Variants in CCAR1 observed in about 807,000 individuals in gnomAD.
The protein encoded by CCAR1 is cell division cycle and apoptosis regulator protein 1.
In CCAR1, 78 loss-of-function variants were observed where a neutral mutation model predicts 163.8. The ratio of observed to expected loss-of-function variants is 0.48; its 90% CI spans 0.40 to 0.57. CCAR1 has a LOEUF of 0.57. CCAR1 is among the 20% of genes least tolerant of loss of function. The pLI is 0.00. For synonymous variants in CCAR1, 443 were observed against 460.7 expected, an observed-to-expected ratio of 0.96 and a Z score of 0.49; for missense variants, 1,019 against 1,365.2, an observed-to-expected ratio of 0.75 and a Z score of 4.00.
intron 17 of CCAR1, among the ~76,000 whole-genome samples, chr10:68,770,160 A>C (rs9415936): frequency 6.6e-6 from 1 of 151,766 alleles, no homozygotes; most frequent in Non-Finnish European, 1.5e-5. Context: ...TTGTCTTACT[A>C]TTCTCTCTTG....
intron 10 of CCAR1, among the ~76,000 whole-genome samples, chr10:68,750,422 ATGT>A (rs796476966): frequency 4.3e-4 from 66 of 151,998 alleles, no homozygotes; most frequent in African/African-American, 1.4e-3. Flanking sequence ...GGGTTTCACC[ATGT>A]TGTTGGCCAG....
rs181945372 is a variant in CCAR1 at position 68,738,653 on chromosome 10, C to A, written c.291+764C>A. Among the ~76,000 whole-genome samples the A allele has an allele frequency of 5.1e-4, 77 of 152,084 alleles. 2 individuals carry two copies. The East Asian group carries it at 0.014, about 28-fold the overall frequency. ...TTTTTGTTACATTAACTAACACCTA[C>A]TACAGCCTTTATTTCTTTCAAGGAG... On this transcript the variant is annotated intron_variant, in intron 4 of 24. Coordinates refer to ENST00000265872, the MANE Select transcript of CCAR1 (RefSeq NM_018237.4).
At chr10:68,738,273 G>T (rs2056138526) in intron 4 of CCAR1, among the ~76,000 whole-genome samples, 1 of 152,136 alleles carries the variant, frequency 6.6e-6, no homozygotes, top group African/African-American at 2.4e-5. Context: ...AATTAGCCGG[G>T]TGTGGTGGCG....
chr10:68,744,085 A>G (rs570867291), intron 6 of CCAR1, among the ~76,000 whole-genome samples: 23 of 152,210 alleles, frequency 1.5e-4, no homozygotes, highest in African/African-American at 4.8e-4. Context: ...GGGTTTCACC[A>G]TGTTGGCCAG....
At chr10:68,732,788 T>C (rs1235257838) in intron 2 of CCAR1, among the ~76,000 whole-genome samples, 1 of 152,158 alleles carries the variant, frequency 6.6e-6, no homozygotes, top group Non-Finnish European at 1.5e-5. Context: ...TATCCAGGCA[T>C]GGTGGCATGC....
At chr10:68,760,834 A>C in intron 15 of CCAR1, 173 bp from the exon 16 acceptor site, 1 of 430,400 alleles carries the variant, frequency 2.3e-6, no homozygotes, top group Middle Eastern at 6.3e-4. Context: ...ACTGCACTCC[A>C]GCCTGGGCGA....
At chr10:68,731,374 A>G (rs886311175) in intron 2 of CCAR1, among the ~76,000 whole-genome samples, 7 of 152,224 alleles carry the variant, frequency 4.6e-5, no homozygotes, top group Non-Finnish European at 8.8e-5. Context: ...TATTTAATGA[A>G]ATACACTTCA....
chr10:68,729,529 A>G (rs1449155161), intron 2 of CCAR1, among the ~76,000 whole-genome samples: 1 of 151,722 alleles, frequency 6.6e-6, no homozygotes, highest in Non-Finnish European at 1.5e-5. Context: ...TCGGCCTCCC[A>G]AAGTGCTGGG....
intron 5 of CCAR1, among the ~76,000 whole-genome samples, chr10:68,742,121 A>C (rs1412650981): frequency 1.3e-5 from 2 of 152,178 alleles, no homozygotes; most frequent in East Asian, 3.8e-4. Context: ...CCTTTACTAT[A>C]CTTAGGACTT....
At chr10:68,771,587 TCACAGCTAA>T in intron 18 of CCAR1, 142 bp downstream of exon 18, 1 of 808,406 alleles carries the variant, frequency 1.2e-6, no homozygotes, top group Non-Finnish European at 2.0e-6. Flanking sequence ...TTTGAGACCA[TCACAGCTAA>T]CACAGTGAAA....
chr10:68,751,329 G>A (rs1207442739), intron 10 of CCAR1, among the ~76,000 whole-genome samples: 2 of 151,872 alleles, frequency 1.3e-5, no homozygotes, highest in African/African-American at 2.4e-5. Context: ...GCCTGGCCCA[G>A]CAACTACTCT....
At chr10:68,751,637 C>G (rs1027665367) in intron 10 of CCAR1, among the ~76,000 whole-genome samples, 2 of 151,668 alleles carry the variant, frequency 1.3e-5, no homozygotes, top group Non-Finnish European at 2.9e-5. Context: ...CTGAGGCGGA[C>G]AGATCACTTG....
chr10:68,754,677 A>G, intron 11 of CCAR1, 37 bp from the exon 12 acceptor site: 1 of 1,066,844 alleles, frequency 9.4e-7, no homozygotes, highest in Non-Finnish European at 1.4e-6. Flanking sequence ...ACATTACTTT[A>G]GACTTTTGAC....
intron 19 of CCAR1, among the ~76,000 whole-genome samples, chr10:68,773,665 C>G (rs77597252): frequency 7.3e-6 from 1 of 136,682 alleles, no homozygotes; most frequent in African/African-American, 2.7e-5. Flanking sequence ...GACCCTGTCT[C>G]AAAAAAAAAA....
chr10:68,725,288 ACCT>A (rs1242017708), intron 2 of CCAR1, among the ~76,000 whole-genome samples: 1 of 152,050 alleles, frequency 6.6e-6, no homozygotes, highest in Non-Finnish European at 1.5e-5. Context: ...ACACAGTGAA[ACCT>A]CCTCTCTACT....
At chr10:68,763,517 G>A (rs1047743972) in intron 16 of CCAR1, among the ~76,000 whole-genome samples, 2 of 152,076 alleles carry the variant, frequency 1.3e-5, no homozygotes, top group African/African-American at 2.4e-5. Context: ...GCACGATCTC[G>A]GCTCAGTGCA....
chr10:68,777,695 A>AT (rs1266090456), intron 19 of CCAR1, among the ~76,000 whole-genome samples: 2 of 151,526 alleles, frequency 1.3e-5, no homozygotes, highest in African/African-American at 2.4e-5. Context: ...AAAAAAAAAA[A>AT]AGCCACTGTT....
Position 68,756,722 on chromosome 10 carries a change from C to A in CCAR1, c.1836+239C>A. 2 of 570,046 alleles carry A rather than the reference C, an allele frequency of 3.5e-6. No individual in the cohort carries two copies. The highest frequency in any genetic ancestry group is 2.5e-5 in the Admixed American group (1 of 39,540). The allele number at this position is 570,046 out of a possible 1,614,324, so 35.3% of individuals were successfully genotyped here. ...AGGAAAATAAGTTGTGCTTAAATTGCACAGAATTTTGTTTTTATCATAGGT... is the reference window on the plus strand; with the variant it reads ...AGGAAAATAAGTTGTGCTTAAATTGAACAGAATTTTGTTTTTATCATAGGT... On this transcript the variant is annotated intron_variant, in intron 14 of 24. Coordinates refer to ENST00000265872, the MANE Select transcript of CCAR1 (RefSeq NM_018237.4). The surrounding 1 kb of genome is among the most constrained non-coding windows in gnomAD (Gnocchi z 5.1).
At chr10:68,785,374 C>G (rs1218378876) in intron 19 of CCAR1, among the ~76,000 whole-genome samples, 1 of 151,938 alleles carries the variant, frequency 6.6e-6, no homozygotes, top group Non-Finnish European at 1.5e-5. Context: ...GCGTGTGCTA[C>G]CATGCCTGGC....
Sources: gnomAD v4.1 joint callset for allele counts (sites outside exome capture counted in the v4.1 genomes callset) on GRCh38, gnomAD v4.1.1 for gene constraint, Gnocchi (gnomAD v3.1) non-coding constraint, MANE v1.5 for transcripts, NCBI Gene and HGNC (gene_info 2026-07-23, HGNC 2026-07-21) for gene names.